The following PODXL variants were observed in gnomAD, a reference collection of about 807,000 sequenced individuals.
PODXL encodes the protein podocalyxin.
A neutral mutation model predicts 48.9 loss-of-function variants in PODXL; 20 were observed. The observed-to-expected ratio is 0.41, with a 90% CI of 0.29 to 0.59. The LOEUF is 0.59. Ranked by LOEUF, PODXL falls within the 20% of genes least tolerant of loss-of-function variation. The pLI, the probability that PODXL is intolerant of heterozygous loss-of-function variation, is 0.31. For missense variants in PODXL, 606 were observed against 675.1 expected (o/e 0.90, Z 1.13); for synonymous variants, 295 against 287.4 (o/e 1.03, Z -0.27).
intron 1 of PODXL, among the ~76,000 whole-genome samples, chr7:131,528,817 A>G (rs1798227853): frequency 6.6e-6 from 1 of 152,198 alleles, no homozygotes; most frequent in South Asian, 2.1e-4. Context: ...TTGTAACGCA[A>G]GGATTCTAAT....
chr7:131,527,018 C>T (rs1397166410), intron 1 of PODXL, among the ~76,000 whole-genome samples: 2 of 152,120 alleles, frequency 1.3e-5, no homozygotes, highest in South Asian at 2.1e-4. Flanking sequence ...GCATTACAGG[C>T]GTGAGCCACC....
chr7:131,522,256 G>A lies in PODXL; in HGVS notation c.101-10823C>T, dbSNP rs563605616. Among the ~76,000 whole-genome samples, 5 of 152,276 alleles carry A rather than the reference G, an allele frequency of 3.3e-5. No homozygotes were observed. In the South Asian group the frequency reaches 1.0e-3, roughly 32 times the overall value. ...ACCTGAGGTCAGGTGTTCGAGACCA[G>A]CCTGGCCAACACAATGAAACCCTGT... is the stretch of plus-strand genomic sequence containing the variant. On this transcript the variant is annotated intron_variant, in intron 1 of 8. Coordinates refer to ENST00000378555, the MANE Select transcript of PODXL (RefSeq NM_001018111.3).
chr7:131,525,426 CAAAAAAAAAAAA>C (rs57927217), intron 1 of PODXL, among the ~76,000 whole-genome samples: 13 of 59,232 alleles, frequency 2.2e-4, no homozygotes, highest in East Asian at 1.8e-3. Context: ...TCATCTCTAC[CAAAAAAAAAAAA>C]AAAAAAAAAA....
intron 1 of PODXL, among the ~76,000 whole-genome samples, chr7:131,525,475 T>C (rs1489495261): frequency 7.8e-6 from 1 of 127,646 alleles, no homozygotes; most frequent in African/African-American, 3.0e-5. Context: ...CCAGGCATGG[T>C]GGTGCGTGCC....
intron 1 of PODXL, among the ~76,000 whole-genome samples, chr7:131,512,715 T>C (rs1479991093): frequency 6.6e-6 from 1 of 152,146 alleles, no homozygotes; most frequent in Non-Finnish European, 1.5e-5. Context: ...TGGTGGCTCA[T>C]GCCTTTAATC....
intron 1 of PODXL, among the ~76,000 whole-genome samples, chr7:131,542,701 G>A (rs1229939066): frequency 2.0e-5 from 3 of 152,060 alleles, no homozygotes; most frequent in Admixed American, 2.0e-4. Flanking sequence ...GTGGAAAGGG[G>A]GTACCTGGAG....
At position 131,542,662 on chromosome 7, in the gene PODXL, C is replaced by T. The variant is rs533320946; in HGVS notation, c.100+13598G>A. Among the ~76,000 whole-genome samples the T allele has an allele frequency of 3.0e-4, 45 of 151,988 alleles. 1 individual carries two copies. The highest frequency in any genetic ancestry group is 5.4e-4 in the Non-Finnish European group (37 of 67,994). ...ACAGAGGGAGACCCTGTCTCAACGA[C>T]GACAACAGCAATAACAGCAACAAAT... On this transcript the variant is annotated intron_variant, in intron 1 of 8. Coordinates refer to ENST00000378555, the MANE Select transcript of PODXL (RefSeq NM_001018111.3).
chr7:131,545,498 C>G (rs1452327638), intron 1 of PODXL, among the ~76,000 whole-genome samples: 1 of 152,200 alleles, frequency 6.6e-6, no homozygotes, highest in African/African-American at 2.4e-5. Context: ...GTTGGTCACT[C>G]TATCTTCACA....
chr7:131,542,731 G>C (rs1415312144), intron 1 of PODXL, among the ~76,000 whole-genome samples: 1 of 152,148 alleles, frequency 6.6e-6, no homozygotes, highest in East Asian at 1.9e-4. Context: ...GTGACTCTAG[G>C]TAAAATCACC....
intron 1 of PODXL, among the ~76,000 whole-genome samples, chr7:131,553,760 C>T (rs1798701166): frequency 6.6e-6 from 1 of 152,226 alleles, no homozygotes; most frequent in Admixed American, 6.5e-5. Flanking sequence ...CTTGTCCTTT[C>T]AGTAGCTGAG....
chr7:131,516,736 CTT>C (rs58722955), intron 1 of PODXL, among the ~76,000 whole-genome samples: 10 of 125,608 alleles, frequency 8.0e-5, no homozygotes, highest in Non-Finnish European at 1.1e-4. Context: ...TTTTTTTTCT[CTT>C]TTTTTTTTTT....
rs779690063 is a variant in PODXL, at chr7:131,509,566, T to C, written c.822A>G (p.Gln274=). ...TCTGACTGGAGGTCTGTTGAGTTCT[T>C]TGCGAGATAACCGATGACGCTGTCA... ...AGITASSVIS[Q]RTQQTSSQMP... Residue 274 remains glutamine, a synonymous_variant, in exon 4 of 9, where the codon CAA becomes CAG. Transcript: ENST00000378555. 1 of 1,559,230 alleles carries C rather than the reference T, an allele frequency of 6.4e-7. No homozygotes were observed. Among genetic ancestry groups the C allele is most frequent in the Non-Finnish European group, 8.7e-7 (1 of 1,150,364 alleles).
At chr7:131,509,858 T>C (rs899411359) in intron 3 of PODXL, among the ~76,000 whole-genome samples, 4 of 152,194 alleles carry the variant, frequency 2.6e-5, no homozygotes, top group Non-Finnish European at 5.9e-5. Context: ...GGGGAAGGAA[T>C]CGGCATCATC....
At chr7:131,512,616 G>A (rs1452966265) in intron 1 of PODXL, among the ~76,000 whole-genome samples, 2 of 152,130 alleles carry the variant, frequency 1.3e-5, no homozygotes, top group Admixed American at 1.3e-4. Context: ...AGAAAATGCA[G>A]GGTCTTATGA....
At position 131,523,399 on chromosome 7, in the gene PODXL, T is replaced by C. The variant is rs1027571233; in HGVS notation, c.101-11966A>G. Among the ~76,000 whole-genome samples the C allele has an allele frequency of 3.9e-5, 6 of 152,256 alleles. No individual in the cohort carries two copies. In the East Asian group the frequency reaches 1.2e-3, roughly 29 times the overall value. On this transcript the variant is annotated intron_variant, in intron 1 of 8. Coordinates refer to ENST00000378555, the MANE Select transcript of PODXL (RefSeq NM_001018111.3). The stretch of plus-strand genomic sequence containing the variant: ...AAGAAGCAAAATAAGAAAAACCATA[T>C]GAGCCGGGCATGGTGGCTCACGCCT...
In PODXL at chr7:131,504,307, CG is replaced by C. The variant is rs757209892; in HGVS notation, c.*3del. 1 of 1,613,588 alleles carries C rather than the reference CG, an allele frequency of 6.2e-7. No homozygotes were observed. Among genetic ancestry groups the C allele is most frequent in the Admixed American group, 1.7e-5 (1 of 60,004 alleles). Reference sequence around the variant, plus strand: ...GTGCTGCTGGAGGCCACCGGCAGACCGGACTAGAGGTGTGTGTCTTCCTCCT... The same window carrying C: ...GTGCTGCTGGAGGCCACCGGCAGACCGACTAGAGGTGTGTGTCTTCCTCCT... On this transcript the variant is annotated 3_prime_UTR_variant, in exon 9 of 9. Transcript: ENST00000378555.
At position 131,501,484 on chromosome 7, in the gene PODXL, T is replaced by C. The variant is rs1797702265; in HGVS notation, c.*2827A>G. 1 of 152,612 alleles carries C rather than the reference T, an allele frequency of 6.6e-6. No individual in the cohort carries two copies. The allele number at this position is 152,612 out of a possible 1,614,324, so 9.5% of individuals were successfully genotyped here. A position where few individuals can be genotyped will look rare whatever the true frequency, so the allele number is the denominator to read the frequency against. ...TTCCTTATCAAGCGGGAAAAAAATC[T>C]GGTGCCTAGACTAGATTAAACCCGT... is the stretch of plus-strand genomic sequence containing the variant. On this transcript the variant is annotated 3_prime_UTR_variant, in exon 9 of 9. Coordinates refer to ENST00000378555, the MANE Select transcript of PODXL (RefSeq NM_001018111.3).
At chr7:131,551,904 TC>T (rs1348071774) in intron 1 of PODXL, among the ~76,000 whole-genome samples, 3 of 145,834 alleles carry the variant, frequency 2.1e-5, no homozygotes, top group African/African-American at 7.8e-5. Context: ...GCCACTGCAG[TC>T]CAGCCTGGGT....
intron 1 of PODXL, among the ~76,000 whole-genome samples, chr7:131,541,822 G>C (rs1333905206): frequency 2.0e-5 from 3 of 152,148 alleles, no homozygotes; most frequent in African/African-American, 7.2e-5. Context: ...CCCTCCCTGT[G>C]TTTGAGACGC....
Sources: gnomAD v4.1 joint callset for allele counts (sites outside exome capture counted in the v4.1 genomes callset) on GRCh38, gnomAD v4.1.1 for gene constraint, MANE v1.5 for transcripts, NCBI Gene and HGNC (gene_info 2026-07-23, HGNC 2026-07-21) for gene names.